The following MECOM variants were observed in gnomAD, a reference collection of about 807,000 sequenced individuals.
MECOM encodes the protein MDS1 and EVI1 complex locus, also known as histone-lysine N-methyltransferase MECOM.
A neutral mutation model predicts 116.3 loss-of-function variants in MECOM; 13 were observed. The observed-to-expected ratio is 0.11, with a 90% CI of 0.07 to 0.18. The LOEUF (loss-of-function observed/expected upper bound fraction) is 0.18. MECOM is among the 10% of genes least tolerant of loss of function. The pLI is 1.00. For synonymous variants in MECOM, 528 were observed against 535.2 expected (o/e 0.99, Z 0.19); for missense variants, 1,299 against 1,509.0 (o/e 0.86, Z 2.31).
intron 2 of MECOM, among the ~76,000 whole-genome samples, chr3:169,175,065 A>T (rs1198976137): frequency 6.6e-6 from 1 of 152,008 alleles, no homozygotes; most frequent in Non-Finnish European, 1.5e-5. Context: ...TTCCAATCCC[A>T]CCTCTGTTGC....
At chr3:169,531,004 A>C (rs1359326031) in intron 1 of MECOM, among the ~76,000 whole-genome samples, 1 of 152,122 alleles carries the variant, frequency 6.6e-6, no homozygotes, top group East Asian at 1.9e-4. Context: ...CCACACCTAA[A>C]TGTCACCTAG....
intron 1 of MECOM, among the ~76,000 whole-genome samples, chr3:169,580,173 C>CTT (rs1292368079): frequency 6.6e-6 from 1 of 152,140 alleles, no homozygotes; most frequent in Non-Finnish European, 1.5e-5. Context: ...GACGAATGGA[C>CTT]TTTAGAGAGA....
chr3:169,614,347 CA>C (rs1769712782), intron 1 of MECOM, among the ~76,000 whole-genome samples: 1 of 151,722 alleles, frequency 6.6e-6, no homozygotes, highest in Non-Finnish European at 1.5e-5. Flanking sequence ...GATCTTTCTC[CA>C]AAACCGAGCC....
At chr3:169,381,672 A>G in intron 1 of MECOM, 148 bp from the exon 2 acceptor site, 2 of 660,950 alleles carry the variant, frequency 3.0e-6, no homozygotes, top group Non-Finnish European at 5.0e-6. Context: ...TTTATTATTT[A>G]CAGGCCAGGG....
At chr3:169,097,282 A>G (rs1053882455) in intron 12 of MECOM, among the ~76,000 whole-genome samples, 2 of 152,150 alleles carry the variant, frequency 1.3e-5, no homozygotes, top group Non-Finnish European at 2.9e-5. Context: ...CTAAATAAGC[A>G]TGTTCTAACC....
chr3:169,321,672 C>T (rs928511648), intron 2 of MECOM, among the ~76,000 whole-genome samples: 2 of 151,584 alleles, frequency 1.3e-5, no homozygotes, highest in African/African-American at 4.9e-5. Context: ...GAATGTGGAC[C>T]TATGTGGTTT....
At chr3:169,218,276 T>A (rs1001219406) in intron 2 of MECOM, among the ~76,000 whole-genome samples, 1 of 152,222 alleles carries the variant, frequency 6.6e-6, no homozygotes, top group African/African-American at 2.4e-5. Flanking sequence ...GAATGATCTT[T>A]AAGAAGATAA....
Position 169,270,433 on chromosome 3 carries a change from GTATT to G in MECOM, c.375+110750_375+110753del, listed in dbSNP as rs544717893. Among the ~76,000 whole-genome samples, 122 of 151,882 alleles carry G rather than the reference GTATT, an allele frequency of 8.0e-4. 1 individual carries two copies. The highest frequency in any genetic ancestry group is 2.7e-3 in the African/African-American group (113 of 41,436). On this transcript the variant is annotated intron_variant, in intron 2 of 16. Transcript: ENST00000651503. ...CTTATATGCAATTTATAATATTTAT[GTATT>G]TAATTATAATTCCACAACTTATATA...
intron 1 of MECOM, among the ~76,000 whole-genome samples, chr3:169,428,373 A>G (rs1016628742): frequency 6.6e-6 from 1 of 152,182 alleles, no homozygotes; most frequent in Non-Finnish European, 1.5e-5. Flanking sequence ...TAAAGAGCCT[A>G]GATCCTTCAC....
chr3:169,538,039 G>A (rs1408938358), intron 1 of MECOM, among the ~76,000 whole-genome samples: 1 of 152,062 alleles, frequency 6.6e-6, no homozygotes, highest in Non-Finnish European at 1.5e-5. Context: ...TAGAAATTCT[G>A]ACATAATTTG....
intron 2 of MECOM, among the ~76,000 whole-genome samples, chr3:169,279,713 G>A (rs1046553389): frequency 2.6e-5 from 4 of 152,160 alleles, no homozygotes; most frequent in African/African-American, 9.7e-5. Context: ...ATTCAAACAT[G>A]TTTTTAACAT....
chr3:169,316,462 T>C (rs963453639), intron 2 of MECOM, among the ~76,000 whole-genome samples: 2 of 152,224 alleles, frequency 1.3e-5, no homozygotes, highest in African/African-American at 2.4e-5. Context: ...ATTGTGTCTA[T>C]GGCTATGTAA....
intron 1 of MECOM, among the ~76,000 whole-genome samples, chr3:169,407,787 G>T (rs1305195873): frequency 6.6e-6 from 1 of 152,152 alleles, no homozygotes; most frequent in Non-Finnish European, 1.5e-5. Flanking sequence ...GCACTGACAA[G>T]GAATTCAGGC....
At chr3:169,543,873 G>A (rs1760398266) in intron 1 of MECOM, among the ~76,000 whole-genome samples, 1 of 152,096 alleles carries the variant, frequency 6.6e-6, no homozygotes, top group South Asian at 2.1e-4. Context: ...ATAAGCTGCT[G>A]TTTATTGATT....
At chr3:169,534,851 A>G (rs1043218233) in intron 1 of MECOM, among the ~76,000 whole-genome samples, 7 of 152,178 alleles carry the variant, frequency 4.6e-5, no homozygotes, top group Admixed American at 3.9e-4. Context: ...GTGAACCCCA[A>G]TGGTCTGACT....
chr3:169,153,796 TTGGGAA>T (rs2149331460), intron 2 of MECOM, among the ~76,000 whole-genome samples: 1 of 152,230 alleles, frequency 6.6e-6, no homozygotes, highest in South Asian at 2.1e-4. Context: ...ATTACGAGTG[TTGGGAA>T]AATAAATTGG....
rs1239023396 is a variant in MECOM at position 169,475,581 on chromosome 3, G to GT, written c.38-94058dup. ...TAAAAATAGTGACTAAAAAGTCGAAGTTTTTTTTTTTTCCGAATCTAATAG... is the reference window on the plus strand; with the variant it reads ...TAAAAATAGTGACTAAAAAGTCGAAGTTTTTTTTTTTTTCCGAATCTAATAG... On this transcript the variant is annotated intron_variant, in intron 1 of 16. Coordinates refer to ENST00000651503, the MANE Select transcript of MECOM (RefSeq NM_004991.4). Among the ~76,000 whole-genome samples the GT allele has an allele frequency of 4.5e-3, 657 of 146,800 alleles. 7 individuals carry two copies. In the East Asian group the frequency reaches 0.047, roughly 10 times the overall value.
intron 1 of MECOM, among the ~76,000 whole-genome samples, chr3:169,534,626 C>A (rs1240373415): frequency 6.6e-6 from 1 of 152,140 alleles, no homozygotes; most frequent in Non-Finnish European, 1.5e-5. Context: ...GTTTTTCCTG[C>A]AGTCTGGTAT....
intron 1 of MECOM, among the ~76,000 whole-genome samples, chr3:169,625,043 A>T (rs1035238274): frequency 2.6e-5 from 4 of 151,984 alleles, no homozygotes; most frequent in African/African-American, 9.7e-5. Context: ...GGAAAAAAAA[A>T]AAAAAAGAAA....
Sources: gnomAD v4.1 joint callset for allele counts (sites outside exome capture counted in the v4.1 genomes callset) on GRCh38, gnomAD v4.1.1 for gene constraint, MANE v1.5 for transcripts, NCBI Gene and HGNC (gene_info 2026-07-23, HGNC 2026-07-21) for gene names.